The following CYBC1 variants were observed in gnomAD, a reference collection of about 807,000 sequenced individuals.
The protein encoded by CYBC1 is essential for reactive oxygen species protein.
CYBC1 carries 22 observed loss-of-function variants against 21.7 expected under a neutral mutation model. The observed-to-expected ratio is 1.02, with a 90% CI of 0.73 to 1.45. The LOEUF is 1.45. CYBC1 is among the 40% of genes most tolerant of loss of function. The probability of loss-of-function intolerance (pLI) is 0.00; values close to 1 mark genes in which losing one functional copy is unlikely to be tolerated. For missense variants in CYBC1, 237 were observed against 242.1 expected (o/e 0.98, Z 0.14); for synonymous variants, 112 against 98.7 (o/e 1.13, Z -0.80).
chr17:82,444,301 G>T, intron 6 of CYBC1, 146 bp downstream of exon 6: 1 of 1,424,804 alleles, frequency 7.0e-7, no homozygotes, highest in Non-Finnish European at 9.4e-7. Context: ...CTGCCCCTGA[G>T]CCTGCACACG....
chr17:82,443,380 C>A lies in CYBC1; in HGVS notation c.*624G>T. 2.0e-6 allele frequency: 1 copy of A among 498,276 alleles called. No individual in the cohort carries two copies. The highest frequency in any genetic ancestry group is 3.7e-6 in the Non-Finnish European group (1 of 267,654). The allele number at this position is 498,276 out of a possible 1,614,324, so 30.9% of individuals were successfully genotyped here. On this transcript the variant is annotated 3_prime_UTR_variant, in exon 7 of 7. Coordinates refer to ENST00000306645, the MANE Select transcript of CYBC1 (RefSeq NM_001033046.4). This position sits in a 1 kb window ranked among gnomAD's most constrained non-coding sequence, Gnocchi z 6.7. ...CCTGGCATCAGCAAGGGAGGCGGGT[C>A]CTCGGGGAGGGGCAGCTTCCACAGT...
intron 3 of CYBC1, 157 bp downstream of exon 3, chr17:82,447,423 C>A: frequency 2.9e-6 from 2 of 687,602 alleles, no homozygotes; most frequent in African/African-American, 1.8e-5. Flanking sequence ...AGAACAGCAG[C>A]GCATGGAGGG....
chr17:82,447,728 G>A lies in CYBC1; in HGVS notation c.86-107C>T, dbSNP rs374482966. ...CCCTGATGAGCAGGCCCTTCCCACTGTAGGAACAGCTGTGGTCAGGGGTTA... is the reference window on the plus strand; with the variant it reads ...CCCTGATGAGCAGGCCCTTCCCACTATAGGAACAGCTGTGGTCAGGGGTTA... On this transcript the variant is annotated intron_variant, in intron 2 of 6. Coordinates refer to ENST00000306645, the MANE Select transcript of CYBC1 (RefSeq NM_001033046.4). 1.2e-5 allele frequency: 12 copies of A among 990,194 alleles called. No individual in the cohort carries two copies. The African/African-American group carries it at 1.8e-4, about 15-fold the overall frequency. 61.3% of individuals were successfully genotyped at this position (990,194 alleles called of 1,614,324 possible).
At chr17:82,450,011 G>C (rs2054501427) in intron 1 of CYBC1, 1 of 152,220 alleles carries the variant, frequency 6.6e-6, no homozygotes, top group African/African-American at 2.4e-5. Flanking sequence ...GCTGGGCGCG[G>C]TGGCTCAGGC....
chr17:82,450,270 A>G (rs117076123), intron 1 of CYBC1: 3,567 of 152,296 alleles, frequency 0.023, 58 homozygotes, highest in Admixed American at 0.046. Flanking sequence ...TGACAGAGTG[A>G]GACCGTGTCT....
Position 82,443,480 on chromosome 17 carries a change from T to C in CYBC1, c.*524A>G, listed in dbSNP as rs1418034371. 1.5e-6 allele frequency: 1 copy of C among 687,510 alleles called. No homozygotes were observed. The highest frequency in any genetic ancestry group is 1.5e-5 in the South Asian group (1 of 66,338). The allele number at this position is 687,510 out of a possible 1,614,324, so 42.6% of individuals were successfully genotyped here. A position where few individuals can be genotyped will look rare whatever the true frequency, so the allele number is the denominator to read the frequency against. On this transcript the variant is annotated 3_prime_UTR_variant, in exon 7 of 7. Transcript: ENST00000306645. This position sits in a 1 kb window ranked among gnomAD's most constrained non-coding sequence, Gnocchi z 6.7. The stretch of plus-strand genomic sequence containing the variant: ...TGCCCTTGGGGAAGCACCTGACCGC[T>C]GGGGATGTCCACCAGGGAGAGGACG...
intron 5 of CYBC1, chr17:82,445,544 C>T (rs1022691829): frequency 1.7e-5 from 4 of 235,022 alleles, no homozygotes; most frequent in Non-Finnish European, 2.5e-5. Context: ...TGCCCGAGCC[C>T]GGGTGGGCCA....
At position 82,443,788 on chromosome 17, in the gene CYBC1, A is replaced by G. The variant is rs1003790486; in HGVS notation, c.*216T>C. 2 of 884,958 alleles carry G rather than the reference A, an allele frequency of 2.3e-6. No individual in the cohort carries two copies. Among genetic ancestry groups the G allele is most frequent in the Non-Finnish European group, 3.8e-6 (2 of 529,120 alleles). The allele number at this position is 884,958 out of a possible 1,614,324, so 54.8% of individuals were successfully genotyped here. Reference sequence around the variant, plus strand: ...AGGCCACGGGTCCTGTGGGCGGTGCACGGGCTCAGGCACACCGGGAATGTG... The same window carrying G: ...AGGCCACGGGTCCTGTGGGCGGTGCGCGGGCTCAGGCACACCGGGAATGTG... On this transcript the variant is annotated 3_prime_UTR_variant, in exon 7 of 7. Transcript: ENST00000306645. This position sits in a 1 kb window ranked among gnomAD's most constrained non-coding sequence, Gnocchi z 6.7.
At chr17:82,446,539 C>A in intron 4 of CYBC1, 84 bp downstream of exon 4, 3 of 1,341,910 alleles carry the variant, frequency 2.2e-6, no homozygotes, top group African/African-American at 1.4e-5. Flanking sequence ...CACCCAGGGC[C>A]CTTCCTCCTC....
At position 82,445,916 on chromosome 17, in the gene CYBC1, C is replaced by T. The variant is rs762492118; in HGVS notation, c.246G>A (p.Thr82=). ...DKSTGKVVLK[T]FSLYKKLLTL... is the part of the protein sequence containing the mutation. ...TCAGCAGCTTCTTGTAGAGGCTGAA[C>T]GTCTTCAAAACAACCTTCCCTGTGC... Residue 82 remains threonine, a synonymous_variant, in exon 5 of 7, where the codon ACG becomes ACA. Coordinates refer to ENST00000306645, the MANE Select transcript of CYBC1 (RefSeq NM_001033046.4). 9.3e-6 allele frequency: 15 copies of T among 1,613,728 alleles called. No homozygotes were observed. Among genetic ancestry groups the T allele is most frequent in the South Asian group, 3.3e-5 (3 of 91,048 alleles).
Position 82,445,855 on chromosome 17 carries a change from A to C in CYBC1, c.298+9T>G. On this transcript the variant is annotated intron_variant, in intron 5 of 6. Transcript: ENST00000306645. ...CGTGTCCCATGTCCCCACGCTCCCC[A>C]CGACTCACCCTGGTCGTGGCCAGCT... The C allele has an allele frequency of 6.2e-7, 1 of 1,604,374 alleles. No homozygotes were observed. The highest frequency in any genetic ancestry group is 8.5e-7 in the Non-Finnish European group (1 of 1,174,874).
intron 3 of CYBC1, 112 bp from the exon 4 acceptor site, chr17:82,446,808 C>A: frequency 9.2e-7 from 1 of 1,087,722 alleles, no homozygotes; most frequent in Non-Finnish European, 1.4e-6. Flanking sequence ...TTGCAAGGAC[C>A]CCCTGGGCAG....
intron 5 of CYBC1, 118 bp downstream of exon 5, chr17:82,445,746 G>T: frequency 1.4e-6 from 1 of 691,914 alleles, no homozygotes; most frequent in African/African-American, 1.8e-5. Context: ...TCACCAAGCA[G>T]GTGAGCTTGG....
Position 82,445,865 on chromosome 17 carries a change from C to T in CYBC1, c.297G>A (p.Gln99=). 1 of 1,608,094 alleles carries T rather than the reference C, an allele frequency of 6.2e-7. No homozygotes were observed. Among genetic ancestry groups the T allele is most frequent in the South Asian group, 1.1e-5 (1 of 90,224 alleles). The change falls in exon 5 of 7, where the codon CAG becomes CAA. Residue 99 remains glutamine (Q), a splice_region_variant and synonymous_variant. Transcript: ENST00000306645. The part of the protein sequence containing the change: ...LLTLFRAGHD[Q]VVVLLHDVRD... Reference sequence around the variant, plus strand: ...GTCCCCACGCTCCCCACGACTCACCCTGGTCGTGGCCAGCTCTGAAAAGAG... The same window carrying T: ...GTCCCCACGCTCCCCACGACTCACCTTGGTCGTGGCCAGCTCTGAAAAGAG...
intron 3 of CYBC1, chr17:82,447,011 G>A: frequency 2.2e-6 from 1 of 460,544 alleles, no homozygotes; most frequent in Admixed American, 3.9e-5. Flanking sequence ...AGATCCTCAA[G>A]AGCATCTCTC....
chr17:82,446,033 C>A (rs777576104), intron 4 of CYBC1, 73 bp from the exon 5 acceptor site: 84 of 1,206,496 alleles, frequency 7.0e-5, no homozygotes, highest in Non-Finnish European at 8.2e-5. Flanking sequence ...GGCCTCACCC[C>A]CACCCTCACC....
intron 3 of CYBC1, 200 bp downstream of exon 3, chr17:82,447,379 GT>G: frequency 1.7e-6 from 1 of 593,494 alleles, no homozygotes; most frequent in Non-Finnish European, 3.0e-6. Context: ...GAAGTGAAAT[GT>G]GGGCTGAGCG....
At chr17:82,444,888 C>A in intron 5 of CYBC1, 1 of 358,078 alleles carries the variant, frequency 2.8e-6, no homozygotes, top group Non-Finnish European at 5.1e-6. Flanking sequence ...GCCATCTTTA[C>A]ACTGCACTGT....
intron 2 of CYBC1, 111 bp from the exon 3 acceptor site, chr17:82,447,732 G>A (rs1282634475): frequency 1.0e-6 from 1 of 959,206 alleles, no homozygotes; most frequent in South Asian, 1.4e-5. Context: ...CCCACTGTAG[G>A]AACAGCTGTG....
Sources: gnomAD v4.1 joint callset for allele counts on GRCh38, gnomAD v4.1.1 for gene constraint, Gnocchi (gnomAD v3.1) non-coding constraint, MANE v1.5 for transcripts, NCBI Gene and HGNC (gene_info 2026-07-23, HGNC 2026-07-21) for gene names.